The following NUGGC variants were observed in gnomAD, a reference collection of about 807,000 sequenced individuals.
NUGGC encodes the protein nuclear GTPase, germinal center associated.
In NUGGC, 58 loss-of-function variants were observed where a neutral mutation model predicts 92.6. That is an observed-to-expected ratio of 0.63 (90% CI 0.51 to 0.78). The LOEUF (loss-of-function observed/expected upper bound fraction) is 0.78, where lower values mean the gene tolerates loss of function less well. Among genes scored for constraint, NUGGC ranks in the 30% least tolerant of loss-of-function variants. The pLI, the probability that NUGGC is intolerant of heterozygous loss-of-function variation, is 0.00. For synonymous variants in NUGGC, 376 were observed against 366.4 expected (o/e 1.03, Z -0.30); for missense variants, 925 against 964.6 (o/e 0.96, Z 0.54).
chr8:28,081,343 T>A (rs937626381), intron 1 of NUGGC, among the ~76,000 whole-genome samples: 1 of 139,512 alleles, frequency 7.2e-6, no homozygotes, highest in Non-Finnish European at 1.6e-5. Flanking sequence ...TAAAAAAGAG[T>A]TCGTTGTGAG....
rs546566911 is a variant in NUGGC, at chr8:28,032,512, T to A, written c.1769+1028A>T. Among the ~76,000 whole-genome samples, 5 of 151,760 alleles carry A rather than the reference T, an allele frequency of 3.3e-5. No individual in the cohort carries two copies. In the South Asian group the frequency reaches 1.0e-3, roughly 32 times the overall value. On this transcript the variant is annotated intron_variant, in intron 14 of 18. Coordinates refer to ENST00000413272, the MANE Select transcript of NUGGC (RefSeq NM_001010906.2). ...GCGGGCAGATCACAAGGTCAGGAGA[T>A]CAAGACCATCCTGGCTAACATGGTG...
At chr8:28,083,151 G>A (rs1434928792) in intron 1 of NUGGC, among the ~76,000 whole-genome samples, 2 of 152,198 alleles carry the variant, frequency 1.3e-5, no homozygotes, top group Non-Finnish European at 2.9e-5. Flanking sequence ...GGAGATTGGA[G>A]CAGGGAAAGG....
intron 8 of NUGGC, chr8:28,060,166 G>T: frequency 1.7e-6 from 1 of 605,958 alleles, no homozygotes; most frequent in Non-Finnish European, 3.1e-6. Context: ...TCTGGTACAT[G>T]TGAGTGGCAC....
rs1585599806 is a variant in NUGGC, at chr8:28,070,399, T to C, written c.44-43A>G. ...ATATATAAGATTATAGGTGTTGGGG[T>C]ATGGTATTCTTGCCTCACCTCTATC... On this transcript the variant is annotated intron_variant, in intron 2 of 18. Coordinates refer to ENST00000413272, the MANE Select transcript of NUGGC (RefSeq NM_001010906.2). The C allele has an allele frequency of 2.8e-6, 3 of 1,089,160 alleles. No homozygotes were observed. In the African/African-American group the frequency reaches 4.7e-5, roughly 17 times the overall value. 67.5% of individuals were successfully genotyped at this position (1,089,160 alleles called of 1,614,324 possible).
chr8:28,051,011 TG>T (rs1418518694), intron 10 of NUGGC, among the ~76,000 whole-genome samples: 2 of 152,122 alleles, frequency 1.3e-5, no homozygotes, highest in African/African-American at 2.4e-5. Flanking sequence ...TTGTTAGAGA[TG>T]GGGGTCTTGC....
chr8:28,071,043 A>T (rs1408307173), intron 2 of NUGGC, among the ~76,000 whole-genome samples: 1 of 151,852 alleles, frequency 6.6e-6, no homozygotes, highest in Non-Finnish European at 1.5e-5. Flanking sequence ...CTGCCCATAA[A>T]CTCATTTGGG....
At chr8:28,052,907 G>C (rs754168420) in intron 10 of NUGGC, among the ~76,000 whole-genome samples, 7 of 152,168 alleles carry the variant, frequency 4.6e-5, no homozygotes, top group Non-Finnish European at 1.0e-4. Context: ...TGGAAACGTG[G>C]GGCATATACT....
intron 15 of NUGGC, 112 bp downstream of exon 15, chr8:28,031,131 C>T: frequency 3.1e-6 from 4 of 1,273,030 alleles, no homozygotes; most frequent in Non-Finnish European, 3.4e-6. Flanking sequence ...GAGGTACTCC[C>T]AGACCCTGGA....
At chr8:28,053,387 C>T (rs897700532) in intron 10 of NUGGC, among the ~76,000 whole-genome samples, 1 of 151,916 alleles carries the variant, frequency 6.6e-6, no homozygotes, top group Non-Finnish European at 1.5e-5. Flanking sequence ...GTGCGGAGTG[C>T]GGGCAGGAAG....
chr8:28,033,696 C>A lies in NUGGC; in HGVS notation c.1613G>T (p.Arg538Met). 3 of 1,613,632 alleles carry A rather than the reference C, an allele frequency of 1.9e-6. No homozygotes were observed. The highest frequency in any genetic ancestry group is 2.5e-6 in the Non-Finnish European group (3 of 1,179,718). The change falls in exon 14 of 19, where the codon AGG becomes ATG. Residue 538 changes from arginine to methionine, a missense_variant and splice_region_variant. Physicochemically the swap from Arg to Met is moderately conservative, Grantham distance 91 (BLOSUM62 -1). Transcript: ENST00000413272. ...ATGAAAACCTTGGTTTCCTTTACTC[C>A]TCTAGACAATCAACAATAAATTAGC... ...YRCILRACLVRSKGNQGFHQT... is the reference protein window; with the variant it reads ...YRCILRACLVMSKGNQGFHQT...
intron 1 of NUGGC, among the ~76,000 whole-genome samples, chr8:28,077,392 A>G (rs1810748384): frequency 9.5e-6 from 1 of 105,176 alleles, no homozygotes; most frequent in African/African-American, 3.1e-5. Flanking sequence ...CCTTGACACT[A>G]CCAAAAAAAA....
At position 28,068,289 on chromosome 8, in the gene NUGGC, G is replaced by A. The variant is rs1437387315; in HGVS notation, c.407C>T (p.Thr136Ile). ...AGAGCTCACTTGTACAATGCAGGAA[G>A]TACATATGCTTTCTCCAGACACTGG... ...FLPVSGESIC[T>I]SCIVQVSSGC... is the part of the protein sequence containing the mutation. The change falls in exon 5 of 19, where the codon ACT becomes ATT. Residue 136 changes from threonine to isoleucine, a missense_variant. Coordinates refer to ENST00000413272, the MANE Select transcript of NUGGC (RefSeq NM_001010906.2). 1 of 1,551,696 alleles carries A rather than the reference G, an allele frequency of 6.4e-7. No homozygotes were observed. Among genetic ancestry groups the A allele is most frequent in the African/African-American group, 1.4e-5 (1 of 73,180 alleles).
Position 28,022,107 on chromosome 8 carries a change from T to G in NUGGC, c.*1210A>C, listed in dbSNP as rs532333868. Reference sequence around the variant, plus strand: ...AATGTTTTTTCTATAATGTTTAAGTTTTTTTATGTATGGGTGTGTGTGTGT... The same window carrying G: ...AATGTTTTTTCTATAATGTTTAAGTGTTTTTATGTATGGGTGTGTGTGTGT... On this transcript the variant is annotated 3_prime_UTR_variant, in exon 19 of 19. Transcript: ENST00000413272. 6.6e-6 allele frequency: 1 copy of G among 151,260 alleles called. No individual in the cohort carries two copies. Among genetic ancestry groups the G allele is most frequent in the African/African-American group, 2.4e-5 (1 of 41,402 alleles). 9.4% of individuals were successfully genotyped at this position (151,260 alleles called of 1,614,324 possible).
intron 10 of NUGGC, among the ~76,000 whole-genome samples, chr8:28,048,568 A>G (rs1490507804): frequency 6.6e-6 from 1 of 152,144 alleles, no homozygotes; most frequent in African/African-American, 2.4e-5. Flanking sequence ...ATGCAGACTA[A>G]TGTTGAAACA....
chr8:28,029,387 G>A lies in NUGGC; in HGVS notation c.2033C>T (p.Thr678Met), dbSNP rs115638185. 4.8e-4 allele frequency: 768 copies of A among 1,612,326 alleles called. 6 individuals carry two copies. The African/African-American group carries it at 8.5e-3, about 18-fold the overall frequency. The change falls in exon 17 of 19, where the codon ACG (threonine) becomes ATG (methionine). Residue 678 changes from threonine to methionine, a missense_variant. Thr to Met is a moderately conservative substitution (Grantham distance 81, BLOSUM62 -1). Coordinates refer to ENST00000413272, the MANE Select transcript of NUGGC (RefSeq NM_001010906.2). ...CATCCGCTCACACGCTTTTTTGCCC[G>A]TGATCTGAGCTGCCTCTGGCAAAAA... Reference protein sequence around the residue: ...KLCYEEAAQITGKKACERMKD... With the variant: ...KLCYEEAAQIMGKKACERMKD...
At chr8:28,073,538 T>C (rs998490756) in intron 2 of NUGGC, among the ~76,000 whole-genome samples, 4 of 152,182 alleles carry the variant, frequency 2.6e-5, no homozygotes, top group African/African-American at 4.8e-5. Context: ...ACAAAGGATA[T>C]GATACGCCAC....
chr8:28,081,534 C>T (rs1195551022), intron 1 of NUGGC, among the ~76,000 whole-genome samples: 1 of 152,120 alleles, frequency 6.6e-6, no homozygotes, highest in Non-Finnish European at 1.5e-5. Flanking sequence ...GACTCCCGTT[C>T]TTGTCCCTAT....
rs113365520 is a variant in NUGGC at position 28,034,895 on chromosome 8, C to T, written c.1612-1198G>A. On this transcript the variant is annotated intron_variant, in intron 13 of 18. Coordinates refer to ENST00000413272, the MANE Select transcript of NUGGC (RefSeq NM_001010906.2). ...GGATGAAAAATAATTCATTTTACCT[C>T]TCTCTTGTTCTTAGACATTTCGGTT... is the stretch of plus-strand genomic sequence containing the variant. Among the ~76,000 whole-genome samples the T allele has an allele frequency of 5.3e-4, 81 of 152,324 alleles. 1 individual carries two copies. Among genetic ancestry groups the T allele is most frequent in the African/African-American group, 1.9e-3 (79 of 41,582 alleles).
chr8:28,055,883 A>G (rs1342650343), intron 10 of NUGGC, 82 bp downstream of exon 10: 1 of 752,812 alleles, frequency 1.3e-6, no homozygotes, highest in Non-Finnish European at 2.2e-6. Context: ...CCTTGCAACT[A>G]CACAATACCA....
Sources: gnomAD v4.1 joint callset for allele counts (sites outside exome capture counted in the v4.1 genomes callset) on GRCh38, gnomAD v4.1.1 for gene constraint, MANE v1.5 for transcripts, NCBI Gene and HGNC (gene_info 2026-07-23, HGNC 2026-07-21) for gene names.